The following CACNA1I variants were observed in gnomAD, a reference collection of about 807,000 sequenced individuals.
The protein encoded by CACNA1I is calcium voltage-gated channel subunit alpha1 I.
In CACNA1I, 74 loss-of-function variants were observed where a neutral mutation model predicts 201.6. That is an observed-to-expected ratio of 0.37 (90% CI 0.30 to 0.45). The LOEUF (loss-of-function observed/expected upper bound fraction) is 0.45. Among genes scored for constraint, CACNA1I ranks in the 20% least tolerant of loss-of-function variants. The pLI, the probability that CACNA1I is intolerant of heterozygous loss-of-function variation, is 1.00. For synonymous variants in CACNA1I, 1,431 were observed against 1,345.2 expected (o/e 1.06, Z -1.40); for missense variants, 2,346 against 3,138.1 (o/e 0.75, Z 6.03).
chr22:39,671,134 C>G (rs1042374024), intron 26 of CACNA1I, among the ~76,000 whole-genome samples, 180 bp downstream of exon 26: 1 of 152,124 alleles, frequency 6.6e-6, no homozygotes, highest in Admixed American at 6.5e-5. Flanking sequence ...AGCTTGCCCT[C>G]AGGAAGCTCA....
intron 10 of CACNA1I, 78 bp downstream of exon 10, chr22:39,650,003 C>T: frequency 6.8e-7 from 1 of 1,473,438 alleles, no homozygotes; most frequent in South Asian, 1.1e-5. Context: ...TGGGCAGCCC[C>T]ATCCATCTGC....
In CACNA1I at chr22:39,677,491, A is replaced by T. The variant is rs1451260259; in HGVS notation, c.4933+72A>T. 5.6e-6 allele frequency: 6 copies of T among 1,066,364 alleles called. No homozygotes were observed. Among genetic ancestry groups the T allele is most frequent in the Admixed American group, 2.5e-5 (1 of 39,788 alleles). 66.1% of individuals were successfully genotyped at this position (1,066,364 alleles called of 1,614,324 possible). A position where few individuals can be genotyped will look rare whatever the true frequency, so the allele number is the denominator to read the frequency against. ...GCAGGAGGAACTGGGGGGGCGGGGG[A>T]GGCCTGAGACCCCTGAGCCCGTCAC... is the stretch of plus-strand genomic sequence containing the variant. On this transcript the variant is annotated intron_variant, in intron 30 of 36. Coordinates refer to ENST00000402142, the MANE Select transcript of CACNA1I (RefSeq NM_021096.4). This position sits in a 1 kb window ranked among gnomAD's most constrained non-coding sequence, Gnocchi z 4.8.
intron 3 of CACNA1I, among the ~76,000 whole-genome samples, chr22:39,616,363 C>T (rs550156230): frequency 2.0e-5 from 3 of 152,258 alleles, no homozygotes; most frequent in South Asian, 4.2e-4. Flanking sequence ...ACTGGGTCAT[C>T]GTGGGCCCCC....
intron 3 of CACNA1I, among the ~76,000 whole-genome samples, chr22:39,612,164 C>G (rs1471261871): frequency 6.6e-6 from 1 of 152,022 alleles, no homozygotes; most frequent in Non-Finnish European, 1.5e-5. Context: ...GGAGTGGGTT[C>G]CTGATGAGAG....
intron 1 of CACNA1I, among the ~76,000 whole-genome samples, chr22:39,588,446 C>T (rs575651642): frequency 5.5e-5 from 8 of 145,334 alleles, no homozygotes; most frequent in Non-Finnish European, 7.5e-5. Flanking sequence ...AGTGCAGTGG[C>T]GTGATCTCGG....
At chr22:39,572,110 G>A (rs1237729684) in intron 1 of CACNA1I, among the ~76,000 whole-genome samples, 1 of 152,160 alleles carries the variant, frequency 6.6e-6, no homozygotes, top group Admixed American at 6.5e-5. Flanking sequence ...GCCCTGCAGG[G>A]CCTTGGAGGC....
intron 4 of CACNA1I, among the ~76,000 whole-genome samples, chr22:39,621,449 C>A (rs79890711): frequency 6.6e-6 from 1 of 152,220 alleles, no homozygotes; most frequent in African/African-American, 2.4e-5. Flanking sequence ...GTGGGGCTGG[C>A]CTGACCCCGG....
At chr22:39,592,829 G>A (rs556016588) in intron 1 of CACNA1I, among the ~76,000 whole-genome samples, 1 of 152,356 alleles carries the variant, frequency 6.6e-6, no homozygotes, top group East Asian at 1.9e-4. Context: ...CCAGGCTGCA[G>A]AGTGGCTCAA....
At chr22:39,627,663 T>C (rs1472076555) in intron 4 of CACNA1I, among the ~76,000 whole-genome samples, 1 of 152,230 alleles carries the variant, frequency 6.6e-6, no homozygotes, top group Admixed American at 6.5e-5. Flanking sequence ...CTTGAAATAG[T>C]TGGCGTGGAA....
At chr22:39,645,380 C>T (rs1022139126) in intron 7 of CACNA1I, among the ~76,000 whole-genome samples, 8 of 152,294 alleles carry the variant, frequency 5.3e-5, no homozygotes, top group Non-Finnish European at 8.8e-5. Context: ...GAGGCCCACC[C>T]GGGTCGCCCA....
At chr22:39,673,667 C>G (rs1007943190) in intron 28 of CACNA1I, among the ~76,000 whole-genome samples, 44 of 152,322 alleles carry the variant, frequency 2.9e-4, no homozygotes, top group African/African-American at 1.0e-3. Context: ...GTGCCCGTGA[C>G]AGTTCATGGC....
chr22:39,642,089 C>CGCTGCCTCTGCTGCCCTGT (rs1473086297), intron 6 of CACNA1I, among the ~76,000 whole-genome samples: 30 of 152,238 alleles, frequency 2.0e-4, no homozygotes, highest in African/African-American at 7.2e-4. Flanking sequence ...CGCTGCCCTG[C>CGCTGCCTCTGCTGCCCTGT]GCTGCCTCTG....
At chr22:39,585,631 G>T (rs543730133) in intron 1 of CACNA1I, among the ~76,000 whole-genome samples, 1 of 135,636 alleles carries the variant, frequency 7.4e-6, no homozygotes, top group East Asian at 2.3e-4. Flanking sequence ...CGAGTGATCT[G>T]CCCACCTCGG....
chr22:39,644,260 C>T (rs928857667), intron 7 of CACNA1I, among the ~76,000 whole-genome samples: 9 of 152,180 alleles, frequency 5.9e-5, no homozygotes, highest in Admixed American at 3.3e-4. Flanking sequence ...TCTGCTCTCG[C>T]TGTGGGGTTA....
chr22:39,600,551 C>T lies in CACNA1I; in HGVS notation c.380C>T (p.Ala127Val). The stretch of plus-strand genomic sequence containing the variant: ...GATGACTTCATCTTTATCTTCTTTG[C>T]CATGGAGATGGTGCTCAAGATGGTG... ...VFDDFIFIFF[A>V]MEMVLKMVAL... The change falls in exon 3 of 37, where the codon GCC (alanine) becomes GTC (valine). Residue 127 changes from alanine to valine, a missense_variant. Transcript: ENST00000402142. 6.2e-7 allele frequency: 1 copy of T among 1,612,364 alleles called. No homozygotes were observed. Among genetic ancestry groups the T allele is most frequent in the Non-Finnish European group, 8.5e-7 (1 of 1,179,220 alleles).
At chr22:39,588,991 TG>T (rs1403600673) in intron 1 of CACNA1I, among the ~76,000 whole-genome samples, 1 of 152,244 alleles carries the variant, frequency 6.6e-6, no homozygotes, top group Non-Finnish European at 1.5e-5. Flanking sequence ...TTCTCATGCA[TG>T]GCACTGGTGA....
chr22:39,663,429 G>C (rs1017758755), intron 18 of CACNA1I, among the ~76,000 whole-genome samples: 1 of 152,168 alleles, frequency 6.6e-6, no homozygotes, highest in African/African-American at 2.4e-5. Context: ...CAGAAGCAGA[G>C]GGTACTAGGC....
At chr22:39,581,673 C>T (rs1932553206) in intron 1 of CACNA1I, among the ~76,000 whole-genome samples, 2 of 152,202 alleles carry the variant, frequency 1.3e-5, no homozygotes, top group South Asian at 4.1e-4. Context: ...ACTGGTCCAT[C>T]CTACCTGGGC....
intron 7 of CACNA1I, among the ~76,000 whole-genome samples, chr22:39,644,995 C>CT (rs1030911983): frequency 2.0e-5 from 3 of 150,068 alleles, no homozygotes; most frequent in Admixed American, 6.6e-5. Context: ...GCCCCCAGTG[C>CT]TTTTTTTTAA....
Sources: gnomAD v4.1 joint callset for allele counts (sites outside exome capture counted in the v4.1 genomes callset) on GRCh38, gnomAD v4.1.1 for gene constraint, Gnocchi (gnomAD v3.1) non-coding constraint, MANE v1.5 for transcripts, NCBI Gene and HGNC (gene_info 2026-07-23, HGNC 2026-07-21) for gene names.